Variants in RAI2 observed in about 807,000 individuals in gnomAD.
The protein encoded by RAI2 is retinoic acid induced 2.
In RAI2, 5 loss-of-function variants were observed where a neutral mutation model predicts 15.3. That is an observed-to-expected ratio of 0.33 (90% CI 0.17 to 0.69). The LOEUF (loss-of-function observed/expected upper bound fraction) is 0.69. Among genes scored for constraint, RAI2 ranks in the 30% least tolerant of loss-of-function variants. The pLI is 0.69. For synonymous variants in RAI2, 191 were observed against 184.0 expected (o/e 1.04, Z -0.31); for missense variants, 424 against 424.7 (o/e 1.00, Z 0.01).
intron 1 of RAI2, among the ~76,000 whole-genome samples, chrX:17,828,013 C>T (rs1685950718): frequency 9.0e-6 from 1 of 110,629 alleles, no homozygotes; most frequent in Non-Finnish European, 1.9e-5. Flanking sequence ...TGTATAGGGA[C>T]ATTTTTGGTT....
At chrX:17,808,077 G>A (rs1415611600) in intron 1 of RAI2, among the ~76,000 whole-genome samples, 1 of 111,696 alleles carries the variant, frequency 9.0e-6, no homozygotes, top group African/African-American at 3.3e-5. Context: ...AAAACATTAT[G>A]AGATTTTTTT....
intron 1 of RAI2, among the ~76,000 whole-genome samples, chrX:17,849,030 C>T (rs1222165383): frequency 1.8e-5 from 2 of 112,511 alleles, no homozygotes; most frequent in African/African-American, 6.5e-5. Flanking sequence ...AGAGGGTAAG[C>T]TCTTCAGGAC....
At chrX:17,837,763 T>G (rs2067351673) in intron 1 of RAI2, 1 of 112,338 alleles carries the variant, frequency 8.9e-6, no homozygotes, top group Non-Finnish European at 1.9e-5. Context: ...TTGTTATTGT[T>G]GTTGTTTGAT....
chrX:17,832,678 A>G (rs1408905212), intron 1 of RAI2, among the ~76,000 whole-genome samples: 1 of 111,558 alleles, frequency 9.0e-6, no homozygotes, highest in Non-Finnish European at 1.9e-5. Flanking sequence ...CAGATGAAAA[A>G]CTGCTGCTCT....
intron 1 of RAI2, among the ~76,000 whole-genome samples, chrX:17,831,676 A>G (rs2067283741): frequency 8.9e-6 from 1 of 112,384 alleles, no homozygotes; most frequent in South Asian, 3.7e-4. Flanking sequence ...CTACACACTG[A>G]ATGTTTTGCA....
intron 1 of RAI2, among the ~76,000 whole-genome samples, chrX:17,821,594 G>C (rs1179851956): frequency 1.8e-5 from 2 of 111,225 alleles, no homozygotes; most frequent in African/African-American, 6.5e-5. Context: ...GACCGCGAGA[G>C]AGAGAGGTTG....
chrX:17,820,207 A>C (rs2147235265), intron 1 of RAI2, among the ~76,000 whole-genome samples: 1 of 112,500 alleles, frequency 8.9e-6, no homozygotes, highest in South Asian at 3.7e-4. Flanking sequence ...AAATAAAGCA[A>C]CAGGGGCCCT....
rs1226653522 is a variant in RAI2 at position 17,826,342 on chromosome X, A to G, written c.-24-24308T>C. On this transcript the variant is annotated intron_variant, in intron 1 of 1. Coordinates refer to ENST00000451717, the MANE Select transcript of RAI2 (RefSeq NM_021785.6). ...ATCAGTCTCGGTGTGTCTTTCCTTC[A>G]GCACCTATCACATTTGCAAGCTATC... Among the ~76,000 whole-genome samples the G allele has an allele frequency of 2.7e-5, 3 of 109,979 alleles. No individual in the cohort carries two copies. The East Asian group carries it at 8.6e-4, about 32-fold the overall frequency.
At chrX:17,809,257 A>G (rs1460432021) in intron 1 of RAI2, among the ~76,000 whole-genome samples, 1 of 112,399 alleles carries the variant, frequency 8.9e-6, no homozygotes, top group Non-Finnish European at 1.9e-5. Flanking sequence ...TTCATTTATG[A>G]AAACAGTAGT....
At chrX:17,838,616 G>C (rs1179678095) in intron 1 of RAI2, among the ~76,000 whole-genome samples, 2 of 108,492 alleles carry the variant, frequency 1.8e-5, no homozygotes, top group African/African-American at 6.8e-5. Context: ...AATAGTTTGG[G>C]GGAATTTAAT....
intron 1 of RAI2, among the ~76,000 whole-genome samples, chrX:17,828,834 C>G (rs947206957): frequency 4.5e-5 from 5 of 111,438 alleles, no homozygotes; most frequent in African/African-American, 1.6e-4. Context: ...GATTATCACT[C>G]CGCTTTTCCC....
intron 1 of RAI2, among the ~76,000 whole-genome samples, chrX:17,809,656 A>G (rs2067021498): frequency 9.0e-6 from 1 of 110,852 alleles, no homozygotes; most frequent in Non-Finnish European, 1.9e-5. Context: ...GAGTGTGAGA[A>G]TGAAAACGTT....
At chrX:17,803,618 T>G (rs1464344334) in intron 1 of RAI2, among the ~76,000 whole-genome samples, 1 of 112,437 alleles carries the variant, frequency 8.9e-6, no homozygotes, top group Non-Finnish European at 1.9e-5. Flanking sequence ...TCTGTGGTAT[T>G]TCCAGGCAAT....
At chrX:17,820,912 C>T (rs1438505614) in intron 1 of RAI2, among the ~76,000 whole-genome samples, 4 of 109,441 alleles carry the variant, frequency 3.7e-5, no homozygotes, top group African/African-American at 1.3e-4. Flanking sequence ...AAAATAGAGA[C>T]ATTTAGAGAC....
rs765333382 is a variant in RAI2 at position 17,843,459 on chromosome X, G to A, written c.-25+17639C>T. On this transcript the variant is annotated intron_variant, in intron 1 of 1. Coordinates refer to ENST00000451717, the MANE Select transcript of RAI2 (RefSeq NM_021785.6). ...GAATGTGCCTGGATGAACTGATCAG[G>A]TCTAATCTAGAAGCCAAGGAAGAAC... is the stretch of plus-strand genomic sequence containing the variant. 2.7e-5 allele frequency among the ~76,000 whole-genome samples: 3 copies of A among 112,433 alleles called. No individual in the cohort carries two copies. In the South Asian group the frequency reaches 1.1e-3, roughly 41 times the overall value.
intron 1 of RAI2, among the ~76,000 whole-genome samples, chrX:17,836,248 T>C (rs752778083): frequency 4.5e-5 from 5 of 111,890 alleles, no homozygotes; most frequent in South Asian, 7.5e-4. Context: ...GTACTACAGA[T>C]GCTCCTTCAC....
At chrX:17,843,492 T>C (rs1015082724) in intron 1 of RAI2, among the ~76,000 whole-genome samples, 4 of 112,506 alleles carry the variant, frequency 3.6e-5, no homozygotes, top group African/African-American at 6.5e-5. Flanking sequence ...AACTGTCTAA[T>C]GTCTTGATAC....
chrX:17,816,087 C>T (rs771247018), intron 1 of RAI2, among the ~76,000 whole-genome samples: 1 of 105,879 alleles, frequency 9.4e-6, no homozygotes, highest in Non-Finnish European at 1.9e-5. Context: ...CCACTTACTC[C>T]CTCTCACACG....
At chrX:17,836,344 G>A (rs938645814) in intron 1 of RAI2, among the ~76,000 whole-genome samples, 2 of 111,827 alleles carry the variant, frequency 1.8e-5, no homozygotes, top group African/African-American at 3.3e-5. Context: ...AAATCATAGC[G>A]TAGCCTAGCC....
Sources: gnomAD v4.1 joint callset for allele counts (sites outside exome capture counted in the v4.1 genomes callset) on GRCh38, gnomAD v4.1.1 for gene constraint, MANE v1.5 for transcripts, NCBI Gene and HGNC (gene_info 2026-07-23, HGNC 2026-07-21) for gene names.